Variants in CALN1 observed in about 807,000 individuals in gnomAD.
CALN1 encodes the protein calcium-binding protein 8.
In CALN1, 17 loss-of-function variants were observed where a neutral mutation model predicts 30.6. The ratio of observed to expected loss-of-function variants is 0.56; its 90% CI spans 0.38 to 0.83. CALN1 has a LOEUF of 0.83. CALN1 is among the 40% of genes least tolerant of loss of function. CALN1 has a pLI of 0.00. For missense variants in CALN1, 291 were observed against 354.9 expected, an observed-to-expected ratio of 0.82 and a Z score of 1.45; for synonymous variants, 156 against 131.4, an observed-to-expected ratio of 1.19 and a Z score of -1.28.
chr7:72,268,245 A>G (rs970720178), intron 3 of CALN1, among the ~76,000 whole-genome samples: 2 of 152,164 alleles, frequency 1.3e-5, no homozygotes, highest in African/African-American at 4.8e-5. Flanking sequence ...GTCTGGCCCA[A>G]GAAGCTTAAA....
At chr7:72,041,478 G>A (rs902798592) in intron 4 of CALN1, among the ~76,000 whole-genome samples, 1 of 152,070 alleles carries the variant, frequency 6.6e-6, no homozygotes, top group African/African-American at 2.4e-5. Flanking sequence ...CTGCCTCCTG[G>A]GTTCAAGCAA....
intron 5 of CALN1, among the ~76,000 whole-genome samples, chr7:71,941,595 G>C (rs1435733630): frequency 6.6e-6 from 1 of 152,168 alleles, no homozygotes; most frequent in African/African-American, 2.4e-5. Context: ...AAATGCAAAT[G>C]AAAAGCAACA....
chr7:72,305,166 G>T (rs1799565403), intron 2 of CALN1, among the ~76,000 whole-genome samples: 1 of 152,142 alleles, frequency 6.6e-6, no homozygotes, highest in Non-Finnish European at 1.5e-5. Flanking sequence ...TCCCAATTTT[G>T]ATTTTGATTG....
chr7:72,252,757 C>G (rs550024067), intron 3 of CALN1, among the ~76,000 whole-genome samples: 3 of 152,142 alleles, frequency 2.0e-5, no homozygotes, highest in Non-Finnish European at 4.4e-5. Context: ...CATGCTACTC[C>G]TACTCCTGTT....
At chr7:72,057,884 A>T (rs1803370574) in intron 4 of CALN1, among the ~76,000 whole-genome samples, 1 of 152,182 alleles carries the variant, frequency 6.6e-6, no homozygotes, top group African/African-American at 2.4e-5. Context: ...CAAGTCTTCA[A>T]GCGTCTACAT....
chr7:71,878,166 ATAAGT>A lies in CALN1; in HGVS notation c.502-67679_502-67675del, dbSNP rs554812912. 1.9e-4 allele frequency among the ~76,000 whole-genome samples: 29 copies of A among 152,340 alleles called. No homozygotes were observed. In the East Asian group the frequency reaches 2.7e-3, roughly 14 times the overall value. On this transcript the variant is annotated intron_variant, in intron 5 of 6. Coordinates refer to ENST00000395275, the MANE Select transcript of CALN1 (RefSeq NM_031468.4). ...TAGAAAAGCCAGGAATTAGCCTAGT[ATAAGT>A]TAAGTATTTAAGAAATGACAAAGGA...
At chr7:72,362,112 T>G (rs1044279038) in intron 2 of CALN1, among the ~76,000 whole-genome samples, 1 of 152,210 alleles carries the variant, frequency 6.6e-6, no homozygotes, top group South Asian at 2.1e-4. Context: ...ATTAACAGAA[T>G]ACAGTATATG....
chr7:72,026,771 C>T (rs1424170660), intron 4 of CALN1, among the ~76,000 whole-genome samples: 2 of 152,076 alleles, frequency 1.3e-5, no homozygotes, highest in African/African-American at 4.8e-5. Flanking sequence ...GAATATAGAA[C>T]AAGATATTTG....
intron 5 of CALN1, among the ~76,000 whole-genome samples, chr7:71,828,824 T>C (rs7788236): frequency 0.73 from 110,091 of 151,330 alleles, 40,594 homozygotes; most frequent in East Asian, 1. Flanking sequence ...TCTTGACTCA[T>C]GGCAACCTCC....
intron 3 of CALN1, among the ~76,000 whole-genome samples, chr7:72,199,707 C>T (rs1335869566): frequency 2.0e-5 from 3 of 152,070 alleles, no homozygotes; most frequent in Admixed American, 6.6e-5. Flanking sequence ...ATTAGCCAGG[C>T]GTAGTGGTGC....
At chr7:72,369,168 G>A (rs1377035012) in intron 2 of CALN1, among the ~76,000 whole-genome samples, 1 of 151,488 alleles carries the variant, frequency 6.6e-6, no homozygotes, top group Non-Finnish European at 1.5e-5. Flanking sequence ...ACACAATAAG[G>A]TTCATGTAAA....
At chr7:72,423,022 G>A (rs183648150) in intron 1 of CALN1, among the ~76,000 whole-genome samples, 1 of 150,708 alleles carries the variant, frequency 6.6e-6, no homozygotes, top group Non-Finnish European at 1.5e-5. Flanking sequence ...TAAGACATGA[G>A]AATCGCTTGA....
intron 2 of CALN1, among the ~76,000 whole-genome samples, chr7:72,352,402 A>AAAAC (rs1381824672): frequency 6.6e-6 from 1 of 151,226 alleles, no homozygotes; most frequent in African/African-American, 2.4e-5. Context: ...AAAAAAAAAA[A>AAAAC]AAAAAACTTT....
At chr7:72,227,952 A>T (rs1793809293) in intron 3 of CALN1, among the ~76,000 whole-genome samples, 1 of 151,936 alleles carries the variant, frequency 6.6e-6, no homozygotes, top group Admixed American at 6.6e-5. Context: ...TGCCTTCTCC[A>T]AGCAACTTCC....
chr7:72,321,041 G>A (rs1347653057), intron 2 of CALN1, among the ~76,000 whole-genome samples: 1 of 152,062 alleles, frequency 6.6e-6, no homozygotes, highest in Non-Finnish European at 1.5e-5. Flanking sequence ...CAAGTACTTA[G>A]AAAGCAGCAC....
chr7:72,136,148 T>TAAATAAATA (rs1201364639), intron 3 of CALN1, among the ~76,000 whole-genome samples: 1 of 150,920 alleles, frequency 6.6e-6, no homozygotes, highest in African/African-American at 2.4e-5. Flanking sequence ...AATAAATAAA[T>TAAATAAATA]AAATAAATAA....
At chr7:72,210,698 C>G (rs966462527) in intron 3 of CALN1, among the ~76,000 whole-genome samples, 1 of 151,978 alleles carries the variant, frequency 6.6e-6, no homozygotes, top group African/African-American at 2.4e-5. Context: ...GGAAACCACC[C>G]CCATGTTTCA....
intron 5 of CALN1, among the ~76,000 whole-genome samples, chr7:71,905,063 T>C (rs1584483770): frequency 6.6e-6 from 1 of 152,042 alleles, no homozygotes. Flanking sequence ...CTCAGCCTCC[T>C]GAGTAGCTGG....
chr7:71,800,245 A>G (rs920590190), intron 6 of CALN1, among the ~76,000 whole-genome samples: 1 of 152,156 alleles, frequency 6.6e-6, no homozygotes, highest in African/African-American at 2.4e-5. Context: ...CAGCCTTTTC[A>G]TGGGATGGAT....
Sources: gnomAD v4.1 joint callset for allele counts (sites outside exome capture counted in the v4.1 genomes callset) on GRCh38, gnomAD v4.1.1 for gene constraint, MANE v1.5 for transcripts, NCBI Gene and HGNC (gene_info 2026-07-23, HGNC 2026-07-21) for gene names.